RALGPS1: variants seen among roughly 807,000 people sequenced by gnomAD.
RALGPS1 encodes Ral GEF with PH domain and SH3 binding motif 1.
RALGPS1 carries 19 observed loss-of-function variants against 78.8 expected under a neutral mutation model. The ratio of observed to expected loss-of-function variants is 0.24; its 90% CI spans 0.17 to 0.35. The LOEUF (loss-of-function observed/expected upper bound fraction) is 0.35, where lower values mean the gene tolerates loss of function less well. Among genes scored for constraint, RALGPS1 ranks in the 10% least tolerant of loss-of-function variants. The pLI, the probability that RALGPS1 is intolerant of heterozygous loss-of-function variation, is 1.00. For synonymous variants in RALGPS1, 228 were observed against 256.3 expected (o/e 0.89, Z 1.06); for missense variants, 454 against 688.3 (o/e 0.66, Z 3.81).
intron 1 of RALGPS1, among the ~76,000 whole-genome samples, chr9:126,922,189 T>G (rs1195375866): frequency 6.6e-6 from 1 of 152,222 alleles, no homozygotes; most frequent in Non-Finnish European, 1.5e-5. Flanking sequence ...CATTATTCCG[T>G]GTAAATGATT....
intron 5 of RALGPS1, among the ~76,000 whole-genome samples, chr9:127,047,597 G>T (rs1463999550): frequency 6.6e-6 from 1 of 151,950 alleles, no homozygotes; most frequent in Non-Finnish European, 1.5e-5. Flanking sequence ...TACTAAGGAG[G>T]CTGAGGCAGG....
intron 1 of RALGPS1, among the ~76,000 whole-genome samples, chr9:126,939,505 T>C (rs1424647123): frequency 6.6e-6 from 1 of 152,240 alleles, no homozygotes. Context: ...AGACGAGTGC[T>C]TGGCACCCCC....
chr9:126,927,174 T>C (rs2035362493), intron 1 of RALGPS1, among the ~76,000 whole-genome samples: 1 of 152,192 alleles, frequency 6.6e-6, no homozygotes, highest in East Asian at 1.9e-4. Flanking sequence ...CAGATGGTTC[T>C]GATGCCCCAG....
intron 8 of RALGPS1, among the ~76,000 whole-genome samples, chr9:127,158,192 G>T (rs2058810674): frequency 6.6e-6 from 1 of 151,940 alleles, no homozygotes; most frequent in South Asian, 2.1e-4. Flanking sequence ...ACGGTTTTAT[G>T]CATGAGCTCC....
intron 14 of RALGPS1, among the ~76,000 whole-genome samples, chr9:127,201,505 A>G (rs1054004194): frequency 6.6e-6 from 1 of 152,230 alleles, no homozygotes; most frequent in Admixed American, 6.5e-5. Context: ...ATTCCCTGAA[A>G]TAATCCACAC....
chr9:127,137,586 G>T (rs1198407590), intron 8 of RALGPS1, among the ~76,000 whole-genome samples: 3 of 152,258 alleles, frequency 2.0e-5, no homozygotes, highest in Non-Finnish European at 2.9e-5. Context: ...GCCATTTCAG[G>T]ATTCTTGCCG....
At chr9:126,959,760 C>T (rs2038701630) in intron 1 of RALGPS1, among the ~76,000 whole-genome samples, 1 of 152,146 alleles carries the variant, frequency 6.6e-6, no homozygotes, top group Non-Finnish European at 1.5e-5. Context: ...CCCATTTTAA[C>T]CTAAGTTTTA....
intron 14 of RALGPS1, among the ~76,000 whole-genome samples, chr9:127,208,618 G>A (rs1468197882): frequency 4.6e-5 from 7 of 152,158 alleles, no homozygotes; most frequent in Admixed American, 4.6e-4. Context: ...AGGAGCATCA[G>A]AGCATGTGAG....
rs528095389 is a variant in RALGPS1, at chr9:126,995,416, G to C, written c.216+17671G>C. 5.9e-5 allele frequency among the ~76,000 whole-genome samples: 9 copies of C among 152,232 alleles called. No individual in the cohort carries two copies. The East Asian group carries it at 1.5e-3, about 26-fold the overall frequency. On this transcript the variant is annotated intron_variant, in intron 4 of 18. Coordinates refer to ENST00000259351, the MANE Select transcript of RALGPS1 (RefSeq NM_014636.3). ...ATAAAACAGACTTTAAACCAACAAA[G>C]ATCAAAAGAGACAAAGAAGGCCATT... is the stretch of plus-strand genomic sequence containing the variant.
chr9:126,937,423 G>A (rs2036365798), intron 1 of RALGPS1, among the ~76,000 whole-genome samples: 1 of 152,200 alleles, frequency 6.6e-6, no homozygotes, highest in Non-Finnish European at 1.5e-5. Flanking sequence ...AGAGATAAGG[G>A]TTCAGTTTTG....
At chr9:127,129,481 AATT>A (rs2056859913) in intron 8 of RALGPS1, among the ~76,000 whole-genome samples, 3 of 152,208 alleles carry the variant, frequency 2.0e-5, no homozygotes, top group African/African-American at 7.2e-5. Flanking sequence ...TACCTGCTGA[AATT>A]CCCATTCCAA....
intron 7 of RALGPS1, among the ~76,000 whole-genome samples, chr9:127,067,640 C>T (rs1195963664): frequency 6.6e-6 from 1 of 152,228 alleles, no homozygotes; most frequent in Non-Finnish European, 1.5e-5. Context: ...GTCTGATGGA[C>T]ATGGTGGGTC....
intron 8 of RALGPS1, 105 bp downstream of exon 8, chr9:127,069,461 C>T (rs191471228): frequency 5.3e-5 from 71 of 1,350,266 alleles, no homozygotes; most frequent in Non-Finnish European, 6.4e-5. Context: ...CGACATGGCC[C>T]GTAGATAAAG....
chr9:127,221,429 T>G lies in RALGPS1; in HGVS notation c.*2660T>G, dbSNP rs1588634065. 2 of 152,352 alleles carry G rather than the reference T, an allele frequency of 1.3e-5. 1 individual carries two copies. The highest frequency in any genetic ancestry group is 4.1e-4 in the South Asian group (2 of 4,820). 9.4% of individuals were successfully genotyped at this position (152,352 alleles called of 1,614,324 possible). On this transcript the variant is annotated 3_prime_UTR_variant, in exon 19 of 19. Transcript: ENST00000259351. The stretch of plus-strand genomic sequence containing the variant: ...AAAGTTATAGAAAGCTGTCTACAAC[T>G]GTGGAGTTGGTAGCTGGTAACATTG...
chr9:127,158,438 A>C (rs1350839513), intron 8 of RALGPS1, among the ~76,000 whole-genome samples: 1 of 152,172 alleles, frequency 6.6e-6, no homozygotes, highest in Non-Finnish European at 1.5e-5. Flanking sequence ...ATATGTTACC[A>C]TAAAATTTAC....
At chr9:127,154,756 G>C (rs2058618558) in intron 8 of RALGPS1, among the ~76,000 whole-genome samples, 1 of 152,218 alleles carries the variant, frequency 6.6e-6, no homozygotes, top group South Asian at 2.1e-4. Context: ...TGTGGTCACA[G>C]ATACGCGAGT....
In RALGPS1 at chr9:127,011,586, A is replaced by G. The variant is rs1184405169; in HGVS notation, c.217-22845A>G. Among the ~76,000 whole-genome samples the G allele has an allele frequency of 5.3e-5, 8 of 152,322 alleles. No homozygotes were observed. The South Asian group carries it at 1.5e-3, about 28-fold the overall frequency. ...AGAAAAAGTGCATTTTAAAAGCTTT[A>G]TTTATATCTGGCTGGTACTTTAATA... is the stretch of plus-strand genomic sequence containing the variant. On this transcript the variant is annotated intron_variant, in intron 4 of 18. Transcript: ENST00000259351.
chr9:127,149,016 C>T (rs1478771381), intron 8 of RALGPS1, among the ~76,000 whole-genome samples: 1 of 152,234 alleles, frequency 6.6e-6, no homozygotes, highest in African/African-American at 2.4e-5. Context: ...TCTGTCTACA[C>T]CTCCACATGA....
chr9:127,105,937 T>C (rs2054177029), intron 8 of RALGPS1, among the ~76,000 whole-genome samples: 1 of 152,236 alleles, frequency 6.6e-6, no homozygotes, highest in South Asian at 2.1e-4. Flanking sequence ...TTGATTGTAT[T>C]GTATCCACAG....
Sources: allele counts gnomAD v4.1 joint callset (sites outside exome capture counted in the v4.1 genomes callset), GRCh38; gene constraint gnomAD v4.1.1; transcripts MANE v1.5; gene names NCBI Gene and HGNC (gene_info 2026-07-23, HGNC 2026-07-21).